Variants in NLRP8 observed in about 807,000 individuals in gnomAD.
NLRP8 encodes the protein NACHT, LRR and PYD domains-containing protein 8.
A neutral mutation model predicts 88.7 loss-of-function variants in NLRP8; 86 were observed. The ratio of observed to expected loss-of-function variants is 0.97; its 90% confidence interval spans 0.81 to 1.16. NLRP8 has a LOEUF of 1.16. Ranked by LOEUF, NLRP8 falls within the 50% of genes most tolerant of loss-of-function variation. The probability of loss-of-function intolerance (pLI) is 0.00; values close to 1 mark genes in which losing one functional copy is unlikely to be tolerated. For synonymous variants in NLRP8, 504 were observed against 494.6 expected, an observed-to-expected ratio of 1.02 and a Z score of -0.25; for missense variants, 1,342 against 1,286.5, an observed-to-expected ratio of 1.04 and a Z score of -0.66.
At position 55,947,851 on chromosome 19, in the gene NLRP8, C is replaced by T. The variant is rs1978910664; in HGVS notation, c.-52C>T. On this transcript the variant is annotated 5_prime_UTR_variant, in exon 1 of 10. Coordinates refer to ENST00000291971, the MANE Select transcript of NLRP8 (RefSeq NM_176811.2). Reference sequence around the variant, plus strand: ...CTGCAGGTCTCGTGTTTCTCTCTTCCAATCGGTTGTCTTTATCGTGGACAC... The same window carrying T: ...CTGCAGGTCTCGTGTTTCTCTCTTCTAATCGGTTGTCTTTATCGTGGACAC... The T allele has an allele frequency of 6.5e-7, 1 of 1,546,320 alleles. No individual in the cohort carries two copies.
intron 1 of NLRP8, among the ~76,000 whole-genome samples, chr19:55,951,724 C>A (rs1038003478): frequency 1.1e-4 from 16 of 152,098 alleles, no homozygotes; most frequent in Admixed American, 6.6e-4. Context: ...AATGTAAATG[C>A]TATGTAAATA....
intron 9 of NLRP8, among the ~76,000 whole-genome samples, chr19:55,987,151 C>T (rs1267379540): frequency 6.6e-6 from 1 of 152,168 alleles, no homozygotes; most frequent in Non-Finnish European, 1.5e-5. Flanking sequence ...GGTGGATCAT[C>T]TGAGGTCAGG....
chr19:55,954,757 C>T lies in NLRP8; in HGVS notation c.699C>T (p.Tyr233=), dbSNP rs377108884. ...TTGAGTGGGCCAGAAACAAGTTCTA[C>T]GCCCACAAGCGCTGGTGTGCTTTCT... The change falls in exon 3 of 10, where the codon TAC becomes TAT. Residue 233 remains tyrosine, a synonymous_variant. Transcript: ENST00000291971. The T allele has an allele frequency of 1.5e-4, 244 of 1,614,058 alleles. No homozygotes were observed. Among genetic ancestry groups the T allele is most frequent in the Non-Finnish European group, 1.9e-4 (219 of 1,180,042 alleles).
chr19:55,955,907 C>T lies in NLRP8; in HGVS notation c.1849C>T (p.Arg617Trp), dbSNP rs777710675. Residue 617 changes from arginine (R) to tryptophan (W), a missense_variant, in exon 3 of 10, where the codon CGG (arginine) becomes TGG (tryptophan). Physicochemically the swap from Arg to Trp is moderately radical, Grantham distance 101. Coordinates refer to ENST00000291971, the MANE Select transcript of NLRP8 (RefSeq NM_176811.2). ...GTTATTCTACTGTCTGCATGAAATC[C>T]GGGAGGAAGCCTTTGTAAGCCAAGC... 2.8e-5 allele frequency: 45 copies of T among 1,614,104 alleles called. No individual in the cohort carries two copies. In the Admixed American group the frequency reaches 3.8e-4, roughly 14 times the overall value.
At chr19:55,982,904 C>T (rs1429399991) in intron 9 of NLRP8, among the ~76,000 whole-genome samples, 1 of 152,050 alleles carries the variant, frequency 6.6e-6, no homozygotes. Flanking sequence ...CATGATGCAT[C>T]ACTGCACTCC....
At chr19:55,973,924 C>A in intron 7 of NLRP8, 102 bp downstream of exon 7, 2 of 1,182,782 alleles carry the variant, frequency 1.7e-6, no homozygotes, top group Non-Finnish European at 2.4e-6. Context: ...TATTAAGTGC[C>A]TACTGCGTGT....
Position 55,948,282 on chromosome 19 carries a change from C to T in NLRP8, c.367+13C>T, listed in dbSNP as rs1568456743. On this transcript the variant is annotated intron_variant, in intron 1 of 9. Coordinates refer to ENST00000291971, the MANE Select transcript of NLRP8 (RefSeq NM_176811.2). ...AGAGAGATAAATGGTGAGTGTTGAT[C>T]TGGTGGATAAAGTGGGGGTGGGCTT... 1 of 1,598,328 alleles carries T rather than the reference C, an allele frequency of 6.3e-7. No individual in the cohort carries two copies. The highest frequency in any genetic ancestry group is 2.2e-5 in the East Asian group (1 of 44,570).
chr19:55,954,434 T>G, intron 2 of NLRP8, 67 bp from the exon 3 acceptor site: 1 of 1,483,872 alleles, frequency 6.7e-7, no homozygotes, highest in Non-Finnish European at 9.2e-7. Flanking sequence ...GTTTTCTTAT[T>G]GCTCTATTAG....
chr19:55,960,544 G>A (rs534121173), intron 3 of NLRP8, among the ~76,000 whole-genome samples: 41 of 152,252 alleles, frequency 2.7e-4, no homozygotes, highest in African/African-American at 9.4e-4. Flanking sequence ...ATGATGCTGC[G>A]TAAAGACCTG....
intron 7 of NLRP8, 120 bp downstream of exon 7, chr19:55,973,942 G>A: frequency 1.0e-6 from 1 of 971,440 alleles, no homozygotes; most frequent in Non-Finnish European, 1.5e-6. Flanking sequence ...TGTTAGGCAT[G>A]GTGCTAGCAC....
intron 9 of NLRP8, among the ~76,000 whole-genome samples, chr19:55,985,798 C>T (rs575676131): frequency 3.3e-5 from 5 of 152,228 alleles, no homozygotes; most frequent in Admixed American, 3.3e-4. Context: ...GGTGGATCAC[C>T]TGAGGTCAGG....
At chr19:55,983,899 C>T (rs180753834) in intron 9 of NLRP8, among the ~76,000 whole-genome samples, 87 of 151,178 alleles carry the variant, frequency 5.8e-4, no homozygotes, top group African/African-American at 1.9e-3. Flanking sequence ...AACTTGGAAC[C>T]GATGGTGACT....
intron 3 of NLRP8, among the ~76,000 whole-genome samples, chr19:55,957,568 C>T (rs1387761507): frequency 6.6e-6 from 1 of 151,264 alleles, no homozygotes; most frequent in Admixed American, 6.6e-5. Context: ...CACCTGTAAT[C>T]CCAGCTACTC....
Position 55,983,732 on chromosome 19 carries a change from A to C in NLRP8, c.3048-4082A>C, listed in dbSNP as rs144227515. Among the ~76,000 whole-genome samples, 1,269 of 151,014 alleles carry C rather than the reference A, an allele frequency of 8.4e-3. 19 individuals are homozygous for C. Among genetic ancestry groups the C allele is most frequent in the African/African-American group, 0.029 (1,183 of 41,194 alleles). On this transcript the variant is annotated intron_variant, in intron 9 of 9. Coordinates refer to ENST00000291971, the MANE Select transcript of NLRP8 (RefSeq NM_176811.2). ...GTGGATGGAACGTGCTGAGATAAAC[A>C]CAGCAGGGCCTCAGTGACATGACAG...
At chr19:55,977,157 A>G (rs553417324) in intron 8 of NLRP8, among the ~76,000 whole-genome samples, 3 of 147,300 alleles carry the variant, frequency 2.0e-5, no homozygotes, top group African/African-American at 7.4e-5. Flanking sequence ...ATATACGTAT[A>G]TAAAGATACA....
chr19:55,985,819 C>G (rs1190611339), intron 9 of NLRP8, among the ~76,000 whole-genome samples: 1 of 152,144 alleles, frequency 6.6e-6, no homozygotes, highest in Admixed American at 6.5e-5. Flanking sequence ...AGTTCGAGAT[C>G]AGTTTGGCCA....
chr19:55,957,672 ATTATATATAT>A (rs1568460838), intron 3 of NLRP8, among the ~76,000 whole-genome samples: 1 of 120,442 alleles, frequency 8.3e-6, no homozygotes. Flanking sequence ...AAAAATAATA[ATTATATATAT>A]ATATATATAT....
At chr19:55,979,151 A>G (rs1487055161) in intron 8 of NLRP8, among the ~76,000 whole-genome samples, 6 of 152,252 alleles carry the variant, frequency 3.9e-5, no homozygotes, top group African/African-American at 1.4e-4. Context: ...AAGTAGGTAC[A>G]AGCCATTTTC....
chr19:55,980,083 A>G (rs1980509195), intron 9 of NLRP8, among the ~76,000 whole-genome samples: 1 of 152,038 alleles, frequency 6.6e-6, no homozygotes, highest in African/African-American at 2.4e-5. Flanking sequence ...CTCCTATCTG[A>G]TATCTTCTTT....
Sources: allele counts gnomAD v4.1 joint callset (sites outside exome capture counted in the v4.1 genomes callset), GRCh38; gene constraint gnomAD v4.1.1; transcripts MANE v1.5; gene names NCBI Gene and HGNC (gene_info 2026-07-23, HGNC 2026-07-21).